Variants in ADGRE3 observed in about 807,000 individuals in gnomAD.
ADGRE3 encodes EGF-like module receptor 3.
A neutral mutation model predicts 80.1 loss-of-function variants in ADGRE3; 88 were observed. That is an observed-to-expected ratio of 1.10 (90% CI 0.93 to 1.31). The LOEUF (loss-of-function observed/expected upper bound fraction) is 1.31. Among genes scored for constraint, ADGRE3 ranks in the 40% most tolerant of loss-of-function variants. The pLI is 0.00. For synonymous variants in ADGRE3, 281 were observed against 294.8 expected, an observed-to-expected ratio of 0.95 and a Z score of 0.48; for missense variants, 715 against 776.5, an observed-to-expected ratio of 0.92 and a Z score of 0.94.
rs145864144 is a variant in ADGRE3, at chr19:14,673,413, T to C, written c.25+1333A>G. 2.0e-3 allele frequency among the ~76,000 whole-genome samples: 301 copies of C among 152,350 alleles called. 1 individual carries two copies. Among genetic ancestry groups the C allele is most frequent in the Middle Eastern group, 3.4e-3 (1 of 294 alleles). ...GTTAATTCATCTGGAGCTGGAAAGA[T>C]GGATGGGATTTCATCCGTACAGAGA... is the stretch of plus-strand genomic sequence containing the variant. On this transcript the variant is annotated intron_variant, in intron 1 of 15. Coordinates refer to ENST00000253673, the MANE Select transcript of ADGRE3 (RefSeq NM_032571.5).
At chr19:14,664,943 T>C (rs1457273176) in intron 2 of ADGRE3, among the ~76,000 whole-genome samples, 1 of 152,060 alleles carries the variant, frequency 6.6e-6, no homozygotes, top group African/African-American at 2.4e-5. Flanking sequence ...CATATGTGCA[T>C]CATTTTTCTT....
In ADGRE3 at chr19:14,657,749, T is replaced by TG. The variant is rs200801260; in HGVS notation, c.393+763_393+764insC. Among the ~76,000 whole-genome samples the TG allele has an allele frequency of 9.9e-3, 1,408 of 142,638 alleles. 13 individuals carry two copies. The highest frequency in any genetic ancestry group is 0.045 in the South Asian group (196 of 4,348). The allele number at this position is 142,638 out of a possible 152,430, so 93.6% of individuals were successfully genotyped here. On this transcript the variant is annotated intron_variant, in intron 5 of 15. Coordinates refer to ENST00000253673, the MANE Select transcript of ADGRE3 (RefSeq NM_032571.5). ...TATATACATATATATATATATATTT[T>TG]TTTGTTTGTTTGTTTGTTTTGTTTT...
At chr19:14,633,708 AAAAATAAAATAAAATAAAATAAAAT>A (rs371090073) in intron 11 of ADGRE3, among the ~76,000 whole-genome samples, 1 of 123,720 alleles carries the variant, frequency 8.1e-6, no homozygotes, top group Non-Finnish European at 1.6e-5. Flanking sequence ...CCGTCTCAAA[AAAAATAAAATAAAATAAAATAAAAT>A]AAAATAAAAT....
At chr19:14,653,386 C>A (rs559202647) in intron 6 of ADGRE3, among the ~76,000 whole-genome samples, 1 of 152,070 alleles carries the variant, frequency 6.6e-6, no homozygotes, top group African/African-American at 2.4e-5. Context: ...CTACATTAAA[C>A]TATGTGTTTC....
chr19:14,638,951 G>C (rs1343967625), intron 10 of ADGRE3, among the ~76,000 whole-genome samples: 1 of 152,116 alleles, frequency 6.6e-6, no homozygotes, highest in Admixed American at 6.6e-5. Flanking sequence ...ACCCAGGCTG[G>C]AGTGCAGTGG....
intron 15 of ADGRE3, 44 bp downstream of exon 15, chr19:14,625,448 G>C (rs764381295): frequency 8.1e-6 from 10 of 1,228,772 alleles, no homozygotes; most frequent in Middle Eastern, 1.9e-4. Context: ...AGTGTCAAGA[G>C]AGGAGTATGT....
intron 5 of ADGRE3, among the ~76,000 whole-genome samples, chr19:14,655,911 G>GC (rs1234350652): frequency 6.6e-6 from 1 of 152,056 alleles, no homozygotes; most frequent in East Asian, 1.9e-4. Flanking sequence ...TGTCACTGTC[G>GC]CAACAAGGGA....
chr19:14,665,844 A>G (rs1019679468), intron 2 of ADGRE3, among the ~76,000 whole-genome samples: 1 of 145,922 alleles, frequency 6.9e-6, no homozygotes, highest in African/African-American at 2.5e-5. Flanking sequence ...CATAATTTGT[A>G]TATTATAATA....
chr19:14,636,080 C>CTTTTT (rs1568481116), intron 11 of ADGRE3, among the ~76,000 whole-genome samples: 11 of 42,622 alleles, frequency 2.6e-4, no homozygotes, highest in African/African-American at 6.4e-4. Flanking sequence ...CCTTTCCTTT[C>CTTTTT]CCTTTCTTTC....
chr19:14,611,371 CTTTTTTTTTTTTTT>C, the ADGRE3 span, among the ~76,000 whole-genome samples: 1 of 75,972 alleles, frequency 1.3e-5, no homozygotes, highest in African/African-American at 4.9e-5. Flanking sequence ...AACTTCTATC[CTTTTTTTTTTTTTT>C]TTTTTTTTTT....
In ADGRE3 at chr19:14,644,245, C is replaced by T. The variant is rs776263932; in HGVS notation, c.913G>A (p.Val305Ile). The change falls in exon 9 of 16, where the codon GTC becomes ATC. Residue 305 changes from valine to isoleucine, a missense_variant. Coordinates refer to ENST00000253673, the MANE Select transcript of ADGRE3 (RefSeq NM_032571.5). ...CCCTGCCCTGTGCTCTTCCAGTAGA[C>T]ACAGAAGACCTTTTTGGTACTGGGG... is the stretch of plus-strand genomic sequence containing the variant. ...MTPSTKKVFC[V>I]YWKSTGQGSQ... is the part of the protein sequence containing the mutation. The T allele has an allele frequency of 6.3e-7, 1 of 1,574,980 alleles. No homozygotes were observed. Among genetic ancestry groups the T allele is most frequent in the South Asian group, 1.2e-5 (1 of 85,764 alleles).
intron 8 of ADGRE3, among the ~76,000 whole-genome samples, chr19:14,645,536 G>A (rs902240734): frequency 2.0e-5 from 3 of 152,042 alleles, no homozygotes; most frequent in African/African-American, 4.8e-5. Flanking sequence ...GCACTTGCTC[G>A]TAATCCCAGC....
chr19:14,633,473 G>A (rs756552788), intron 11 of ADGRE3, among the ~76,000 whole-genome samples, 171 bp from the exon 12 acceptor site: 9 of 152,012 alleles, frequency 5.9e-5, no homozygotes, highest in African/African-American at 1.2e-4. Flanking sequence ...TTGGGAGGCC[G>A]AGATGGGCGG....
intron 5 of ADGRE3, among the ~76,000 whole-genome samples, chr19:14,656,858 G>C (rs375961126): frequency 6.6e-6 from 1 of 152,064 alleles, no homozygotes; most frequent in Non-Finnish European, 1.5e-5. Flanking sequence ...CTCACCATCT[G>C]CCTAAGTAAT....
chr19:14,602,394 A>T, the ADGRE3 span, among the ~76,000 whole-genome samples: 2 of 152,054 alleles, frequency 1.3e-5, no homozygotes, highest in Non-Finnish European at 2.9e-5. Context: ...GGCTCAAGTG[A>T]TTATCCCACC....
intron 1 of ADGRE3, among the ~76,000 whole-genome samples, chr19:14,670,767 GGTAA>G (rs1972233616): frequency 6.6e-6 from 1 of 152,234 alleles, no homozygotes; most frequent in South Asian, 2.1e-4. Flanking sequence ...GCACAGAGAA[GGTAA>G]GTAACTTGCT....
At chr19:14,608,618 A>G in the ADGRE3 span, among the ~76,000 whole-genome samples, 1 of 148,612 alleles carries the variant, frequency 6.7e-6, no homozygotes, top group Non-Finnish European at 1.5e-5. Flanking sequence ...GGGTGGAAGG[A>G]TGAGGAAGAA....
rs1212771067 is a variant in ADGRE3, at chr19:14,641,419, C to T, written c.1248G>A (p.Lys416=). 1 of 1,613,928 alleles carries T rather than the reference C, an allele frequency of 6.2e-7. No homozygotes were observed. The highest frequency in any genetic ancestry group is 2.2e-5 in the East Asian group (1 of 44,898). ...FLVGIDRTEP[K]VLCSIIAGAL... ...GCATCCTCTGAGACACTGTCAGTAC[C>T]TTGGGTTCAGTTCGATCAATCCCCA... Residue 416 remains lysine (K), a splice_region_variant and synonymous_variant, in exon 10 of 16, where the codon AAG becomes AAA. Coordinates refer to ENST00000253673, the MANE Select transcript of ADGRE3 (RefSeq NM_032571.5).
chr19:14,611,007 T>TA, the ADGRE3 span: 299 of 151,948 alleles, frequency 2.0e-3, 1 homozygote, highest in African/African-American at 6.9e-3. Flanking sequence ...TTCCTTTTTT[T>TA]TTTTTTTCCA....
Sources: allele counts gnomAD v4.1 joint callset (sites outside exome capture counted in the v4.1 genomes callset), GRCh38; gene constraint gnomAD v4.1.1; transcripts MANE v1.5; gene names NCBI Gene and HGNC (gene_info 2026-07-23, HGNC 2026-07-21).